Variants in PPARGC1B observed in about 807,000 individuals in gnomAD.
PPARGC1B encodes peroxisome proliferator-activated receptor gamma coactivator 1-beta.
Under a neutral mutation model 101.6 loss-of-function variants are expected in PPARGC1B, and 34 were observed. The ratio of observed to expected loss-of-function variants is 0.33; its 90% CI spans 0.25 to 0.45. The LOEUF is 0.45. Among genes scored for constraint, PPARGC1B ranks in the 20% least tolerant of loss-of-function variants. PPARGC1B has a pLI of 1.00. For synonymous variants in PPARGC1B, 548 were observed against 539.3 expected (o/e 1.02, Z -0.22); for missense variants, 1,234 against 1,317.6 (o/e 0.94, Z 0.98).
intron 1 of PPARGC1B, among the ~76,000 whole-genome samples, chr5:149,787,629 C>T (rs1833661): frequency 0.45 from 68,026 of 151,992 alleles, 15,468 homozygotes; most frequent in East Asian, 0.7. Context: ...AGTGTGTCTG[C>T]TGAGCAGTTT....
chr5:149,777,554 G>A (rs1581041072), intron 1 of PPARGC1B, among the ~76,000 whole-genome samples: 2 of 152,230 alleles, frequency 1.3e-5, no homozygotes, highest in Middle Eastern at 3.4e-3. Flanking sequence ...CTCCCACGCA[G>A]GCAGGGAAGA....
At position 149,730,547 on chromosome 5, in the gene PPARGC1B, G is replaced by GC; in HGVS notation, c.78+133dup. 4.4e-6 allele frequency: 3 copies of GC among 677,240 alleles called. No homozygotes were observed. The highest frequency in any genetic ancestry group is 7.0e-6 in the Non-Finnish European group (3 of 431,098). 42.0% of individuals were successfully genotyped at this position (677,240 alleles called of 1,614,324 possible). Reference sequence around the variant, plus strand: ...GTAACTGGGGGTTCCAGGCTGCAGAGCCCCCCTTCCAGGCGCCCTGCGATG... The same window carrying GC: ...GTAACTGGGGGTTCCAGGCTGCAGAGCCCCCCCTTCCAGGCGCCCTGCGATG... On this transcript the variant is annotated intron_variant, in intron 1 of 11. Coordinates refer to ENST00000309241, the MANE Select transcript of PPARGC1B (RefSeq NM_133263.4). The surrounding 1 kb of genome is among the most constrained non-coding windows in gnomAD (Gnocchi z 4.0).
intron 1 of PPARGC1B, among the ~76,000 whole-genome samples, chr5:149,735,370 G>GA (rs1754664257): frequency 6.6e-6 from 1 of 152,196 alleles, no homozygotes; most frequent in African/African-American, 2.4e-5. Context: ...TATGCCACGT[G>GA]AGTCACCCTC....
rs1758129308 is a variant in PPARGC1B at position 149,818,113 on chromosome 5, GCATGA to G, written c.79-2317_79-2313del. On this transcript the variant is annotated intron_variant, in intron 1 of 11. Coordinates refer to ENST00000309241, the MANE Select transcript of PPARGC1B (RefSeq NM_133263.4). ...AGTGCTGGTGATTTGTAGTTGGGGG[GCATGA>G]CAGTTGGGCTTGTGGGGAGAGCGGT... 2.0e-5 allele frequency among the ~76,000 whole-genome samples: 3 copies of G among 152,316 alleles called. No individual in the cohort carries two copies. In the South Asian group the frequency reaches 6.2e-4, roughly 32 times the overall value.
intron 2 of PPARGC1B, among the ~76,000 whole-genome samples, chr5:149,821,854 G>C (rs1176261546): frequency 2.0e-5 from 3 of 152,198 alleles, no homozygotes; most frequent in Non-Finnish European, 2.9e-5. Flanking sequence ...GCCTCTCTGA[G>C]GAAGAGAAGC....
intron 1 of PPARGC1B, among the ~76,000 whole-genome samples, chr5:149,752,526 G>T (rs974554292): frequency 2.0e-5 from 3 of 152,154 alleles, no homozygotes; most frequent in African/African-American, 7.2e-5. Context: ...CACAGACCCT[G>T]GTTTAAAAGA....
chr5:149,770,295 T>A (rs1756079339), intron 1 of PPARGC1B, among the ~76,000 whole-genome samples: 1 of 152,158 alleles, frequency 6.6e-6, no homozygotes, highest in Admixed American at 6.5e-5. Flanking sequence ...ATTCAACTTC[T>A]TAGGATTCAA....
At chr5:149,768,904 T>C (rs1394958017) in intron 1 of PPARGC1B, among the ~76,000 whole-genome samples, 1 of 151,706 alleles carries the variant, frequency 6.6e-6, no homozygotes, top group African/African-American at 2.4e-5. Flanking sequence ...GTCTGCCCAC[T>C]TCAGCCTCCC....
Position 149,730,368 on chromosome 5 carries a change from T to C in PPARGC1B, c.26T>C (p.Leu9Pro). 6.4e-7 allele frequency: 1 copy of C among 1,572,604 alleles called. No homozygotes were observed. Among genetic ancestry groups the C allele is most frequent in the East Asian group, 2.4e-5 (1 of 41,114 alleles). MAGNDCGA[L>P]LDEELSSFFL... ...ATGGCGGGGAACGACTGCGGCGCGCTGCTGGACGAAGAGCTCTCCTCCTTC... is the reference window on the plus strand; with the variant it reads ...ATGGCGGGGAACGACTGCGGCGCGCCGCTGGACGAAGAGCTCTCCTCCTTC... Residue 9 changes from leucine (L) to proline (P), a missense_variant, in exon 1 of 12, where the codon CTG becomes CCG. Leu to Pro is a moderately conservative substitution (Grantham distance 98). This residue lies in a region of PPARGC1B where 734 missense variants were observed against 768.4 expected (regional missense o/e 0.96). Transcript: ENST00000309241. This position sits in a 1 kb window ranked among gnomAD's most constrained non-coding sequence, Gnocchi z 4.0.
chr5:149,783,451 G>A (rs1756668120), intron 1 of PPARGC1B, among the ~76,000 whole-genome samples: 1 of 152,180 alleles, frequency 6.6e-6, no homozygotes, highest in African/African-American at 2.4e-5. Flanking sequence ...GAAAACACCA[G>A]CCTCACAGGG....
At chr5:149,838,369 G>A (rs1464699008) in intron 8 of PPARGC1B, among the ~76,000 whole-genome samples, 1 of 152,194 alleles carries the variant, frequency 6.6e-6, no homozygotes, top group Non-Finnish European at 1.5e-5. Flanking sequence ...AGCCCTTACT[G>A]TAGAAGCTAG....
At chr5:149,803,250 C>T (rs1757490612) in intron 1 of PPARGC1B, among the ~76,000 whole-genome samples, 1 of 152,190 alleles carries the variant, frequency 6.6e-6, no homozygotes, top group South Asian at 2.1e-4. Context: ...TCTACTATTG[C>T]TTCCACTAGG....
At chr5:149,811,200 C>T (rs1757846176) in intron 1 of PPARGC1B, among the ~76,000 whole-genome samples, 1 of 152,226 alleles carries the variant, frequency 6.6e-6, no homozygotes, top group African/African-American at 2.4e-5. Flanking sequence ...CCATAGTCCA[C>T]ACCCACAGTG....
At chr5:149,797,185 A>C (rs926379483) in intron 1 of PPARGC1B, among the ~76,000 whole-genome samples, 1 of 152,232 alleles carries the variant, frequency 6.6e-6, no homozygotes, top group South Asian at 2.1e-4. Context: ...GTCTGGGATC[A>C]GAGCCTGGGA....
Position 149,832,669 on chromosome 5 carries a change from A to T in PPARGC1B, c.596A>T (p.Gln199Leu). ...CTCCCTCTCTAGGCGGACAGCACCC[A>T]AGACAAGAAGGCTCCCATGATGCAG... ...QRPCVKADST[Q>L]DKKAPMMQSQ... The change falls in exon 5 of 12, where the codon CAA becomes CTA. Residue 199 changes from glutamine (Q) to leucine (L), a missense_variant. Coordinates refer to ENST00000309241, the MANE Select transcript of PPARGC1B (RefSeq NM_133263.4). The surrounding 1 kb of genome is among the most constrained non-coding windows in gnomAD (Gnocchi z 4.9). 1 of 1,542,862 alleles carries T rather than the reference A, an allele frequency of 6.5e-7. No homozygotes were observed. Among genetic ancestry groups the T allele is most frequent in the Non-Finnish European group, 8.8e-7 (1 of 1,141,702 alleles).
rs1410724405 is a variant in PPARGC1B, at chr5:149,762,732, T to G, written c.78+32312T>G. 2.0e-5 allele frequency among the ~76,000 whole-genome samples: 3 copies of G among 152,120 alleles called. No homozygotes were observed. In the East Asian group the frequency reaches 5.8e-4, roughly 29 times the overall value. On this transcript the variant is annotated intron_variant, in intron 1 of 11. Coordinates refer to ENST00000309241, the MANE Select transcript of PPARGC1B (RefSeq NM_133263.4). ...TTGGGGACAGCCTTGGCAACTTGGG[T>G]TTTGAGCTGAATCTCACTTTTATCC...
chr5:149,827,488 G>T (rs534115700), intron 3 of PPARGC1B, among the ~76,000 whole-genome samples: 1 of 152,304 alleles, frequency 6.6e-6, no homozygotes, highest in East Asian at 1.9e-4. Context: ...GGTTTCACTG[G>T]TTCCCCTGTT....
intron 1 of PPARGC1B, among the ~76,000 whole-genome samples, chr5:149,791,707 T>C (rs1017151215): frequency 6.6e-6 from 1 of 152,142 alleles, no homozygotes; most frequent in Admixed American, 6.5e-5. Flanking sequence ...CCTCTGCAAA[T>C]AGTCTTGCAC....
intron 9 of PPARGC1B, among the ~76,000 whole-genome samples, chr5:149,840,596 G>T (rs570900460): frequency 6.6e-6 from 1 of 152,156 alleles, no homozygotes. Context: ...GATCAGTGCC[G>T]AGAGACCAAG....
Sources: gnomAD v4.1 joint callset for allele counts (sites outside exome capture counted in the v4.1 genomes callset) on GRCh38, gnomAD v4.1.1 for gene constraint, gnomAD v4.1.1 regional missense constraint, Gnocchi (gnomAD v3.1) non-coding constraint, MANE v1.5 for transcripts, NCBI Gene and HGNC (gene_info 2026-07-23, HGNC 2026-07-21) for gene names.